The following PARP12 variants were observed in gnomAD, a reference collection of about 807,000 sequenced individuals.
PARP12 encodes the protein protein mono-ADP-ribosyltransferase PARP12.
A neutral mutation model predicts 72.4 loss-of-function variants in PARP12; 59 were observed. The ratio of observed to expected loss-of-function variants is 0.81; its 90% confidence interval spans 0.66 to 1.01. The LOEUF (loss-of-function observed/expected upper bound fraction) is 1.01, where lower values mean the gene tolerates loss of function less well. Ranked by LOEUF, PARP12 falls within the 50% of genes least tolerant of loss-of-function variation. The pLI is 0.00. For synonymous variants in PARP12, 403 were observed against 371.4 expected (o/e 1.09, Z -0.98); for missense variants, 851 against 914.0 (o/e 0.93, Z 0.89).
chr7:140,026,240 A>G lies in PARP12; in HGVS notation c.1737T>C (p.Phe579=). The change falls in exon 11 of 12, where the codon TTT becomes TTC. Residue 579 remains phenylalanine, a synonymous_variant. Transcript: ENST00000263549. ...CATGAACACCACAGACCCGCCAGTC[A>G]AAGTTCTGCTGGCAGATGGCGTCCA... is the stretch of plus-strand genomic sequence containing the variant. ...IFVDAICQQN[F]DWRVCGVHGT... 3.7e-6 allele frequency: 6 copies of G among 1,614,160 alleles called. No individual in the cohort carries two copies. Among genetic ancestry groups the G allele is most frequent in the Non-Finnish European group, 4.2e-6 (5 of 1,180,036 alleles).
chr7:140,058,983 T>C (rs905936512), intron 1 of PARP12, among the ~76,000 whole-genome samples: 2 of 151,602 alleles, frequency 1.3e-5, no homozygotes, highest in African/African-American at 4.8e-5. Context: ...TAATCCCAGC[T>C]ACTCAGGAGG....
intron 4 of PARP12, among the ~76,000 whole-genome samples, chr7:140,049,291 G>GT (rs1373190612): frequency 2.0e-5 from 3 of 152,222 alleles, no homozygotes; most frequent in Non-Finnish European, 2.9e-5. Context: ...ACCAGGGACT[G>GT]AAGATCTCCT....
intron 10 of PARP12, among the ~76,000 whole-genome samples, chr7:140,026,674 T>G (rs1449166897): frequency 6.6e-6 from 1 of 152,080 alleles, no homozygotes; most frequent in Non-Finnish European, 1.5e-5. Context: ...TGCATGGAGC[T>G]GAGCCCTGGG....
chr7:140,035,953 CGAGGAGGAGGAGGAGGACGAGGAG>C (rs1816153528), intron 7 of PARP12, among the ~76,000 whole-genome samples: 8 of 20,994 alleles, frequency 3.8e-4, no homozygotes, highest in East Asian at 1.9e-3. Flanking sequence ...AGGAGGAGGA[CGAGGAGGAGGAGGAGGACGAGGAG>C]GAGGAGGAGG....
intron 1 of PARP12, 95 bp from the exon 2 acceptor site, chr7:140,058,129 C>G (rs908503268): frequency 4.3e-6 from 6 of 1,400,640 alleles, no homozygotes; most frequent in African/African-American, 1.4e-5. Flanking sequence ...GGATATGGCT[C>G]TATTTGGAAA....
intron 3 of PARP12, among the ~76,000 whole-genome samples, chr7:140,056,314 T>C (rs970397933): frequency 6.6e-6 from 1 of 152,228 alleles, no homozygotes; most frequent in Admixed American, 6.5e-5. Flanking sequence ...GGCCAGGCAC[T>C]GTCTAGGTGC....
chr7:140,041,773 G>GTT lies in PARP12; in HGVS notation c.1052_1053insAA (p.Tyr351Ter). Residue 351 changes from tyrosine to a stop codon, truncating the protein, a stop_gained and frameshift_variant, in exon 6 of 12, where the codon TAC (tyrosine) becomes TAAAC (stop). Transcript: ENST00000263549. LOFTEE classifies it high-confidence loss of function. Reference sequence around the variant, plus strand: ...AGAGGCGGCGAGCCTGGGTAGCACCGTAAGTCATGGCGTTAAAGTTCAGAC... The same window carrying GTT: ...AGAGGCGGCGAGCCTGGGTAGCACCGTTTAAGTCATGGCGTTAAAGTTCAGAC... ...SHCLNFNAMT[Y>*]GATQARRLST... 1 of 1,614,072 alleles carries GTT rather than the reference G, an allele frequency of 6.2e-7. No homozygotes were observed. The highest frequency in any genetic ancestry group is 8.5e-7 in the Non-Finnish European group (1 of 1,179,958).
At chr7:140,041,588 C>G (rs1478863690) in intron 6 of PARP12, 56 bp downstream of exon 6, 3 of 1,528,050 alleles carry the variant, frequency 2.0e-6, no homozygotes, top group Non-Finnish European at 2.7e-6. Flanking sequence ...TCTTATTTGG[C>G]TCCTCTCTTA....
rs550495035 is a variant in PARP12 at position 140,058,563 on chromosome 7, T to C, written c.327-529A>G. 1.2e-3 allele frequency among the ~76,000 whole-genome samples: 180 copies of C among 150,430 alleles called. 1 individual carries two copies. Among genetic ancestry groups the C allele is most frequent in the Non-Finnish European group, 2.2e-3 (150 of 67,796 alleles). ...ACAGAGGGAAGACCATGCGAGGACA[T>C]GGTGAGAAGGTGGCCATCTACAAGC... On this transcript the variant is annotated intron_variant, in intron 1 of 11. Coordinates refer to ENST00000263549, the MANE Select transcript of PARP12 (RefSeq NM_022750.4).
chr7:140,030,709 C>T (rs1286770203), intron 8 of PARP12, among the ~76,000 whole-genome samples: 1 of 152,228 alleles, frequency 6.6e-6, no homozygotes, highest in Non-Finnish European at 1.5e-5. Context: ...ACCTGCAGCC[C>T]GCAGGCTGCA....
intron 11 of PARP12, chr7:140,025,342 GAGTT>G (rs1263198912): frequency 1.4e-5 from 4 of 289,690 alleles, no homozygotes; most frequent in African/African-American, 8.7e-5. Flanking sequence ...ATGGAAATCT[GAGTT>G]AGAAGCTGTC....
intron 2 of PARP12, chr7:140,057,642 G>A (rs1265132778): frequency 2.0e-6 from 1 of 502,904 alleles, no homozygotes; most frequent in East Asian, 3.3e-5. Flanking sequence ...ACACTGAGAG[G>A]CTCAGAGAAG....
chr7:140,046,692 A>G (rs1203332426), intron 5 of PARP12, among the ~76,000 whole-genome samples, 192 bp downstream of exon 5: 2 of 149,060 alleles, frequency 1.3e-5, no homozygotes, highest in Non-Finnish European at 3.0e-5. Context: ...ATTCCAGCCC[A>G]CCTTCTACCT....
chr7:140,059,794 C>T (rs529525942), intron 1 of PARP12, among the ~76,000 whole-genome samples: 78 of 152,312 alleles, frequency 5.1e-4, no homozygotes, highest in Non-Finnish European at 8.2e-4. Flanking sequence ...GAAAGTGCAA[C>T]GTCAGCTGTT....
chr7:140,062,457 G>A (rs1377367928), intron 1 of PARP12, 65 bp downstream of exon 1: 29 of 1,434,712 alleles, frequency 2.0e-5, no homozygotes, highest in Non-Finnish European at 2.3e-5. Context: ...ACCCCCAAGC[G>A]GGCTGGAAGT....
In PARP12 at chr7:140,062,553, C is replaced by T. The variant is rs1234965575; in HGVS notation, c.295G>A (p.Val99Ile). The change falls in exon 1 of 12, where the codon GTC becomes ATC. Residue 99 changes from valine to isoleucine, a missense_variant. This residue lies in a region of PARP12 where 492 missense variants were observed against 489.3 expected (regional missense o/e 1.01). Coordinates refer to ENST00000263549, the MANE Select transcript of PARP12 (RefSeq NM_022750.4). Reference protein sequence around the residue: ...CAQLHLCRFMVYGACKFLRAG... With the variant: ...CAQLHLCRFMIYGACKFLRAG... ...CTCAGGAACTTGCAGGCGCCGTAGACCATGAACCTGCAGAGGTGGAGCTGC... is the reference window on the plus strand; with the variant it reads ...CTCAGGAACTTGCAGGCGCCGTAGATCATGAACCTGCAGAGGTGGAGCTGC... 16 of 1,556,414 alleles carry T rather than the reference C, an allele frequency of 1.0e-5. No individual in the cohort carries two copies. The highest frequency in any genetic ancestry group is 1.9e-5 in the Admixed American group (1 of 53,950).
Position 140,062,909 on chromosome 7 carries a change from G to A in PARP12, c.-62C>T. The A allele has an allele frequency of 8.3e-7, 1 of 1,205,088 alleles. No homozygotes were observed. Among genetic ancestry groups the A allele is most frequent in the Non-Finnish European group, 1.0e-6 (1 of 966,286 alleles). 74.6% of individuals were successfully genotyped at this position (1,205,088 alleles called of 1,614,324 possible). On this transcript the variant is annotated 5_prime_UTR_variant, in exon 1 of 12. Transcript: ENST00000263549. The stretch of plus-strand genomic sequence containing the variant: ...GCGACGCGGACGGCGGCGGACGCTG[G>A]CTGGCGGGCGGCTCTCGCAGGGTGG...
At chr7:140,033,784 C>T (rs1172041441) in intron 8 of PARP12, 1 of 987,604 alleles carries the variant, frequency 1.0e-6, no homozygotes, top group Non-Finnish European at 1.2e-6. Flanking sequence ...CGAAGCTCGC[C>T]CATTAGTGAC....
intron 11 of PARP12, chr7:140,025,444 CAAAG>C: frequency 2.7e-6 from 1 of 366,188 alleles, no homozygotes; most frequent in Non-Finnish European, 5.5e-6. Flanking sequence ...AACTGACTAA[CAAAG>C]AACTGATGGA....
Sources: gnomAD v4.1 joint callset for allele counts (sites outside exome capture counted in the v4.1 genomes callset) on GRCh38, gnomAD v4.1.1 for gene constraint, gnomAD v4.1.1 regional missense constraint, MANE v1.5 for transcripts, NCBI Gene and HGNC (gene_info 2026-07-23, HGNC 2026-07-21) for gene names.